DHRS3: variants seen among roughly 807,000 people sequenced by gnomAD.
The protein encoded by DHRS3 is dehydrogenase/reductase 3, also known as short-chain dehydrogenase/reductase 3.
A neutral mutation model predicts 27.2 loss-of-function variants in DHRS3; 14 were observed. The observed-to-expected ratio is 0.52, with a 90% CI of 0.34 to 0.81. The LOEUF (loss-of-function observed/expected upper bound fraction) is 0.81, where lower values mean the gene tolerates loss of function less well. Among genes scored for constraint, DHRS3 ranks in the 30% least tolerant of loss-of-function variants. The probability of loss-of-function intolerance (pLI) is 0.01; values close to 1 mark genes in which losing one functional copy is unlikely to be tolerated. For synonymous variants in DHRS3, 165 were observed against 175.9 expected (o/e 0.94, Z 0.49); for missense variants, 322 against 406.2 (o/e 0.79, Z 1.78).
At chr1:12,607,590 G>A (rs1195861371) in intron 1 of DHRS3, among the ~76,000 whole-genome samples, 3 of 152,140 alleles carry the variant, frequency 2.0e-5, no homozygotes, top group Non-Finnish European at 2.9e-5. Context: ...GTAACTGTGA[G>A]TCAATTAAAC....
Position 12,569,192 on chromosome 1 carries a change from G to C in DHRS3, c.825-768C>G, listed in dbSNP as rs111435048. On this transcript the variant is annotated intron_variant, in intron 5 of 5. Transcript: ENST00000616661. ...AGATCGCGCCGTTGCACTCCAGCCT[G>C]GGCGACAAGAGTAAAACTCTGTCCC... Among the ~76,000 whole-genome samples, 751 of 107,958 alleles carry C rather than the reference G, an allele frequency of 7.0e-3. 12 individuals carry two copies. Among genetic ancestry groups the C allele is most frequent in the African/African-American group, 0.025 (696 of 27,468 alleles). The allele number at this position is 107,958 out of a possible 152,430, so 70.8% of individuals were successfully genotyped here.
chr1:12,617,042 G>A, intron 1 of DHRS3, 112 bp downstream of exon 1: 1 of 1,265,732 alleles, frequency 7.9e-7, no homozygotes, highest in Non-Finnish European at 1.1e-6. Context: ...GCGCGGAGAA[G>A]TGGGGTGGCC....
At chr1:12,572,629 T>A in intron 5 of DHRS3, 99 bp downstream of exon 5, 1 of 1,520,798 alleles carries the variant, frequency 6.6e-7, no homozygotes, top group Non-Finnish European at 8.9e-7. Flanking sequence ...CAGCAGCAAA[T>A]GTGCCAGCAC....
chr1:12,572,214 C>T (rs1168303047), intron 5 of DHRS3, among the ~76,000 whole-genome samples: 3 of 152,194 alleles, frequency 2.0e-5, no homozygotes, highest in African/African-American at 7.2e-5. Flanking sequence ...GTCACCCAGG[C>T]TGGAGTGCAG....
chr1:12,590,118 G>A (rs1371512706), intron 1 of DHRS3, among the ~76,000 whole-genome samples: 1 of 152,068 alleles, frequency 6.6e-6, no homozygotes, highest in African/African-American at 2.4e-5. Context: ...CTGTCCACCT[G>A]CAGAGCAAGC....
intron 1 of DHRS3, among the ~76,000 whole-genome samples, chr1:12,582,625 G>A (rs1232699062): frequency 1.3e-5 from 2 of 152,112 alleles, no homozygotes; most frequent in South Asian, 2.1e-4. Context: ...ATTTGTTCCA[G>A]GCAGGCAATT....
intron 1 of DHRS3, among the ~76,000 whole-genome samples, chr1:12,588,886 C>T (rs1570377058): frequency 6.6e-6 from 1 of 152,222 alleles, no homozygotes; most frequent in South Asian, 2.1e-4. Context: ...AGGTCTTTGG[C>T]AGGCCAGCTC....
In DHRS3 at chr1:12,584,554, TTGAATGAA is replaced by T. The variant is rs912703706; in HGVS notation, c.196-3896_196-3889del. Among the ~76,000 whole-genome samples, 10 of 150,608 alleles carry T rather than the reference TTGAATGAA, an allele frequency of 6.6e-5. No homozygotes were observed. In the East Asian group the frequency reaches 1.4e-3, roughly 21 times the overall value. ...TGCCCAGCATAGCACATTCTGTTTG[TTGAATGAA>T]TGAATGAATGAATGACAGTTCAGGT... On this transcript the variant is annotated intron_variant, in intron 1 of 5. Coordinates refer to ENST00000616661, the MANE Select transcript of DHRS3 (RefSeq NM_004753.7).
At chr1:12,575,031 G>T (rs1055350793) in intron 4 of DHRS3, among the ~76,000 whole-genome samples, 2 of 152,030 alleles carry the variant, frequency 1.3e-5, no homozygotes, top group Admixed American at 1.3e-4. Context: ...CTGGAACATC[G>T]AAGAGGCTCA....
chr1:12,574,484 C>T lies in DHRS3; in HGVS notation c.699-1631G>A, dbSNP rs751193876. Among the ~76,000 whole-genome samples the T allele has an allele frequency of 1.3e-5, 2 of 152,150 alleles. No individual in the cohort carries two copies. Among genetic ancestry groups the T allele is most frequent in the African/African-American group, 2.4e-5 (1 of 41,444 alleles). On this transcript the variant is annotated intron_variant, in intron 4 of 5. Transcript: ENST00000616661. This position sits in a 1 kb window ranked among gnomAD's most constrained non-coding sequence, Gnocchi z 4.6. ...ACCACGCCTGGCCATGATGGTGATT[C>T]TGAGGCCCACAGCCCTGTGGTCAAG... is the stretch of plus-strand genomic sequence containing the variant.
chr1:12,590,973 T>C lies in DHRS3; in HGVS notation c.196-10307A>G, dbSNP rs557256647. ...CAGACTCTACACAATCCAGTCTGCA[T>C]GCTGTCAGGTAAAAGGATGGGGACA... is the stretch of plus-strand genomic sequence containing the variant. On this transcript the variant is annotated intron_variant, in intron 1 of 5. Transcript: ENST00000616661. Among the ~76,000 whole-genome samples the C allele has an allele frequency of 5.8e-4, 88 of 152,328 alleles. 1 individual carries two copies. Among genetic ancestry groups the C allele is most frequent in the African/African-American group, 2.1e-3 (86 of 41,584 alleles).
chr1:12,582,886 A>G (rs1311257766), intron 1 of DHRS3, among the ~76,000 whole-genome samples: 2 of 113,014 alleles, frequency 1.8e-5, no homozygotes, highest in African/African-American at 7.6e-5. Flanking sequence ...TCCCTCCCTC[A>G]TCTACCCTAC....
intron 1 of DHRS3, among the ~76,000 whole-genome samples, chr1:12,581,031 T>C (rs1207224212): frequency 3.3e-5 from 5 of 152,088 alleles, no homozygotes; most frequent in African/African-American, 1.2e-4. Context: ...TATTCTTATG[T>C]TGCCCAGGCT....
At chr1:12,596,507 C>T (rs1249477009) in intron 1 of DHRS3, among the ~76,000 whole-genome samples, 1 of 152,122 alleles carries the variant, frequency 6.6e-6, no homozygotes, top group Non-Finnish European at 1.5e-5. Flanking sequence ...GGCCGCGCAC[C>T]GCCCCTCCCT....
chr1:12,580,170 G>T (rs766319756), intron 2 of DHRS3: 22 of 356,126 alleles, frequency 6.2e-5, no homozygotes, highest in Middle Eastern at 9.0e-4. Context: ...GACAGTCAGG[G>T]TGGGTTTCCC....
rs1570400852 is a variant in DHRS3, at chr1:12,608,742, C to T, written c.195+8412G>A. 6.6e-6 allele frequency among the ~76,000 whole-genome samples: 1 copy of T among 152,206 alleles called. No homozygotes were observed. Among genetic ancestry groups the T allele is most frequent in the African/African-American group, 2.4e-5 (1 of 41,438 alleles). ...TTCCAAAGGGCAGGAAGGTGTTCCT[C>T]TTGCAGGGCCCAGGTCTGCATTTTC... On this transcript the variant is annotated intron_variant, in intron 1 of 5. Coordinates refer to ENST00000616661, the MANE Select transcript of DHRS3 (RefSeq NM_004753.7). This position sits in a 1 kb window ranked among gnomAD's most constrained non-coding sequence, Gnocchi z 4.1.
chr1:12,591,694 A>G lies in DHRS3; in HGVS notation c.196-11028T>C, dbSNP rs1396533470. ...TCATACCCGAGAAAACTGATACACG[A>G]AGGGGCTATGTAATTCCAAGCGGTA... On this transcript the variant is annotated intron_variant, in intron 1 of 5. Transcript: ENST00000616661. This position sits in a 1 kb window ranked among gnomAD's most constrained non-coding sequence, Gnocchi z 4.1. Among the ~76,000 whole-genome samples the G allele has an allele frequency of 6.6e-6, 1 of 152,206 alleles. No individual in the cohort carries two copies. Among genetic ancestry groups the G allele is most frequent in the East Asian group, 1.9e-4 (1 of 5,190 alleles).
chr1:12,572,412 C>T (rs1299170047), intron 5 of DHRS3, among the ~76,000 whole-genome samples: 1 of 152,166 alleles, frequency 6.6e-6, no homozygotes, highest in Non-Finnish European at 1.5e-5. Flanking sequence ...CCTCGTGATC[C>T]ACCTGCCTCG....
chr1:12,581,432 G>C (rs1357457792), intron 1 of DHRS3, among the ~76,000 whole-genome samples: 2 of 152,180 alleles, frequency 1.3e-5, no homozygotes, highest in Admixed American at 1.3e-4. Context: ...AAGGTTCACA[G>C]GAGCTAAGCC....
Sources: allele counts gnomAD v4.1 joint callset (sites outside exome capture counted in the v4.1 genomes callset), GRCh38; gene constraint gnomAD v4.1.1; non-coding constraint Gnocchi (gnomAD v3.1); transcripts MANE v1.5; gene names NCBI Gene and HGNC (gene_info 2026-07-23, HGNC 2026-07-21).